The following TTC39A variants were observed in gnomAD, a reference collection of about 807,000 sequenced individuals.
TTC39A encodes tetratricopeptide repeat protein 39A.
TTC39A carries 46 observed loss-of-function variants against 82.3 expected under a neutral mutation model. The observed-to-expected ratio is 0.56, with a 90% CI of 0.44 to 0.71. The LOEUF (loss-of-function observed/expected upper bound fraction) is 0.71, where lower values mean the gene tolerates loss of function less well. Among genes scored for constraint, TTC39A ranks in the 30% least tolerant of loss-of-function variants. The pLI is 0.00. For synonymous variants in TTC39A, 254 were observed against 275.2 expected (o/e 0.92, Z 0.76); for missense variants, 543 against 712.9 (o/e 0.76, Z 2.71).
intron 2 of TTC39A, among the ~76,000 whole-genome samples, chr1:51,316,901 G>A (rs1380386321): frequency 6.6e-6 from 1 of 152,212 alleles, no homozygotes; most frequent in East Asian, 1.9e-4. Context: ...ACAGCAGTCA[G>A]TGTGTGGTTT....
At chr1:51,293,591 A>G (rs1388090508) in intron 14 of TTC39A, among the ~76,000 whole-genome samples, 1 of 152,238 alleles carries the variant, frequency 6.6e-6, no homozygotes, top group Non-Finnish European at 1.5e-5. Context: ...TCAGTTAATG[A>G]ACAGTACAGC....
At chr1:51,298,172 G>A (rs1357355910) in intron 12 of TTC39A, 3 of 152,372 alleles carry the variant, frequency 2.0e-5, no homozygotes, top group African/African-American at 7.2e-5. Flanking sequence ...CTCCCCACTA[G>A]GACGTGAGCC....
intron 1 of TTC39A, among the ~76,000 whole-genome samples, chr1:51,339,809 G>A (rs562230427): frequency 3.9e-5 from 6 of 152,292 alleles, no homozygotes; most frequent in East Asian, 3.9e-4. Context: ...GGCCTCAGCC[G>A]AGCTGCTGGG....
In TTC39A at chr1:51,305,105, C is replaced by T; in HGVS notation, c.630G>A (p.Glu210=). The T allele has an allele frequency of 6.2e-7, 1 of 1,613,668 alleles. No homozygotes were observed. Among genetic ancestry groups the T allele is most frequent in the Non-Finnish European group, 8.5e-7 (1 of 1,179,662 alleles). ...CCTTGTTTCCTGAAAACCCCACAAA[C>T]TCCAACAGCCTCAGGATCCTAGTAG... is the stretch of plus-strand genomic sequence containing the variant. ...MLPTRILRLL[E]FVGFSGNKDY... Residue 210 remains glutamate, a synonymous_variant, in exon 8 of 18, where the codon GAG becomes GAA. Transcript: ENST00000680483.
intron 1 of TTC39A, among the ~76,000 whole-genome samples, chr1:51,326,282 G>A (rs1028528950): frequency 2.6e-5 from 4 of 152,282 alleles, no homozygotes; most frequent in Middle Eastern, 3.4e-3. Context: ...AAGGAGGATG[G>A]CATCAAGGAA....
rs1171940711 is a variant in TTC39A, at chr1:51,330,384, C to G, written c.41+53G>C. 1.0e-6 allele frequency: 1 copy of G among 966,428 alleles called. No homozygotes were observed. Among genetic ancestry groups the G allele is most frequent in the Non-Finnish European group, 1.2e-6 (1 of 816,290 alleles). The allele number at this position is 966,428 out of a possible 1,614,324, so 59.9% of individuals were successfully genotyped here. On this transcript the variant is annotated intron_variant, in intron 1 of 17. Coordinates refer to ENST00000680483, the MANE Select transcript of TTC39A (RefSeq NM_001297663.2). The surrounding 1 kb of genome is among the most constrained non-coding windows in gnomAD (Gnocchi z 4.5). ...CCTGGCGCGGCGCCCGCCACCTGCC[C>G]GGGCCCCAGCCCGCGCCGCCCGCGC...
chr1:51,313,093 C>G, intron 2 of TTC39A, 150 bp from the exon 3 acceptor site: 1 of 1,017,792 alleles, frequency 9.8e-7, no homozygotes, highest in Non-Finnish European at 1.4e-6. Context: ...CAGGTCTAAT[C>G]TGCTCACTGC....
chr1:51,344,615 G>C (rs1646074756), intron 1 of TTC39A, among the ~76,000 whole-genome samples: 1 of 152,236 alleles, frequency 6.6e-6, no homozygotes, highest in African/African-American at 2.4e-5. Context: ...CTTGGCTCAT[G>C]CAGACCTGAG....
At chr1:51,302,310 G>A (rs1339906597) in intron 11 of TTC39A, 47 bp downstream of exon 11, 33 of 1,564,012 alleles carry the variant, frequency 2.1e-5, no homozygotes, top group Non-Finnish European at 2.6e-5. Flanking sequence ...GCTGGTCTGG[G>A]AGACCCCGAG....
chr1:51,328,651 G>A (rs911905899), intron 1 of TTC39A, among the ~76,000 whole-genome samples: 17 of 152,194 alleles, frequency 1.1e-4, no homozygotes, highest in African/African-American at 4.1e-4. Context: ...AGACTTTCAA[G>A]GGTCTCTACT....
upstream of TTC39A, among the ~76,000 whole-genome samples, chr1:51,332,093 C>T (rs909910811): frequency 6.6e-6 from 1 of 152,194 alleles, no homozygotes; most frequent in Non-Finnish European, 1.5e-5. Flanking sequence ...CACCTTCCTC[C>T]CTTGTCACTT....
rs1644067855 is a variant in TTC39A at position 51,288,352 on chromosome 1, G to C, written c.1611-72C>G. On this transcript the variant is annotated intron_variant, in intron 17 of 17. Transcript: ENST00000680483. The surrounding 1 kb of genome is among the most constrained non-coding windows in gnomAD (Gnocchi z 4.8). Reference sequence around the variant, plus strand: ...AGATGCTTTTCCTCCTGTTTGAGCTGTATGAGCCCCGCGAGCCAAGGAAGG... The same window carrying C: ...AGATGCTTTTCCTCCTGTTTGAGCTCTATGAGCCCCGCGAGCCAAGGAAGG... 6.2e-7 allele frequency: 1 copy of C among 1,604,398 alleles called. No homozygotes were observed. The highest frequency in any genetic ancestry group is 8.5e-7 in the Non-Finnish European group (1 of 1,174,350).
At position 51,328,924 on chromosome 1, in the gene TTC39A, G is replaced by A. The variant is rs376265490; in HGVS notation, c.41+1513C>T. ...AGGTGAGAATGGTCCTGCTGCGTGCGGCCCTCCTCTGCTCAGACCCCACCA... is the reference window on the plus strand; with the variant it reads ...AGGTGAGAATGGTCCTGCTGCGTGCAGCCCTCCTCTGCTCAGACCCCACCA... On this transcript the variant is annotated intron_variant, in intron 1 of 17. Coordinates refer to ENST00000680483, the MANE Select transcript of TTC39A (RefSeq NM_001297663.2). Among the ~76,000 whole-genome samples, 309 of 152,276 alleles carry A rather than the reference G, an allele frequency of 2.0e-3. 9 individuals carry two copies. Among genetic ancestry groups the A allele is most frequent in the African/African-American group, 6.9e-3 (285 of 41,558 alleles).
At chr1:51,322,640 C>A (rs897778346) in intron 1 of TTC39A, among the ~76,000 whole-genome samples, 9 of 152,192 alleles carry the variant, frequency 5.9e-5, no homozygotes, top group South Asian at 2.1e-4. Flanking sequence ...GGAAAGCAAA[C>A]CCCTGACTTT....
Position 51,287,965 on chromosome 1 carries a change from G to T in TTC39A, c.*192C>A. 3 of 860,050 alleles carry T rather than the reference G, an allele frequency of 3.5e-6. No individual in the cohort carries two copies. Among genetic ancestry groups the T allele is most frequent in the Non-Finnish European group, 5.2e-6 (3 of 580,576 alleles). The allele number at this position is 860,050 out of a possible 1,614,324, so 53.3% of individuals were successfully genotyped here. ...AGAGGGCTCCACCTGCTCTGCCCTT[G>T]GCAAAGGCCCTTGGCTACACTGGTG... On this transcript the variant is annotated 3_prime_UTR_variant, in exon 18 of 18. Coordinates refer to ENST00000680483, the MANE Select transcript of TTC39A (RefSeq NM_001297663.2).
intron 11 of TTC39A, chr1:51,302,142 A>T (rs1406275634): frequency 2.7e-6 from 2 of 740,408 alleles, no homozygotes; most frequent in South Asian, 2.9e-5. Flanking sequence ...CCCAGTCAAA[A>T]TCCCAGGCAC....
intron 5 of TTC39A, among the ~76,000 whole-genome samples, 155 bp downstream of exon 5, chr1:51,311,099 G>T (rs1228418813): frequency 6.6e-6 from 1 of 152,252 alleles, no homozygotes; most frequent in East Asian, 1.9e-4. Flanking sequence ...CCCGCCAGGG[G>T]CAGGAGTGTG....
intron 7 of TTC39A, 69 bp from the exon 8 acceptor site, chr1:51,305,215 A>C: frequency 1.3e-6 from 2 of 1,489,086 alleles, no homozygotes; most frequent in East Asian, 4.6e-5. Context: ...CCACTGTCCC[A>C]AGTCTAGCTC....
At chr1:51,335,839 T>G (rs1645967989), upstream of TTC39A, among the ~76,000 whole-genome samples, 1 of 152,104 alleles carries the variant, frequency 6.6e-6, no homozygotes, top group Non-Finnish European at 1.5e-5. Flanking sequence ...AGAAAGAGCT[T>G]AAGCTGTGAA....
Sources: gnomAD v4.1 joint callset for allele counts (sites outside exome capture counted in the v4.1 genomes callset) on GRCh38, gnomAD v4.1.1 for gene constraint, Gnocchi (gnomAD v3.1) non-coding constraint, MANE v1.5 for transcripts, NCBI Gene and HGNC (gene_info 2026-07-23, HGNC 2026-07-21) for gene names.